The following DCAF1 variants were observed in gnomAD, a reference collection of about 807,000 sequenced individuals.
The protein encoded by DCAF1 is DDB1 and CUL4 associated factor 1, also known as DDB1- and CUL4-associated factor 1.
In DCAF1, 15 loss-of-function variants were observed where a neutral mutation model predicts 128.0. That is an observed-to-expected ratio of 0.12 (90% CI 0.08 to 0.18). The LOEUF (loss-of-function observed/expected upper bound fraction) is 0.18, where lower values mean the gene tolerates loss of function less well. Ranked by LOEUF, DCAF1 falls within the 10% of genes least tolerant of loss-of-function variation. The pLI, the probability that DCAF1 is intolerant of heterozygous loss-of-function variation, is 1.00. For missense variants in DCAF1, 988 were observed against 1,649.5 expected (o/e 0.60, Z 6.95); for synonymous variants, 610 against 603.0 (o/e 1.01, Z -0.17).
chr3:51,475,031 C>T (rs1705262909), intron 3 of DCAF1, among the ~76,000 whole-genome samples: 1 of 151,926 alleles, frequency 6.6e-6, no homozygotes, highest in Non-Finnish European at 1.5e-5. Flanking sequence ...GATCCACCTG[C>T]CTCGGCTTCC....
chr3:51,488,861 A>T (rs1208654445), intron 2 of DCAF1, among the ~76,000 whole-genome samples: 1 of 151,846 alleles, frequency 6.6e-6, no homozygotes, highest in Non-Finnish European at 1.5e-5. Context: ...GCTACTCAGG[A>T]GGCTGAGGTA....
chr3:51,474,351 C>T (rs895161548), intron 3 of DCAF1, among the ~76,000 whole-genome samples: 1 of 152,058 alleles, frequency 6.6e-6, no homozygotes, highest in Non-Finnish European at 1.5e-5. Context: ...ACTCAGGAGG[C>T]GGAGGTCGCG....
At chr3:51,457,889 G>A (rs1703096337) in intron 6 of DCAF1, among the ~76,000 whole-genome samples, 1 of 152,300 alleles carries the variant, frequency 6.6e-6, no homozygotes, top group African/African-American at 2.4e-5. Flanking sequence ...CACCAGGCCT[G>A]CCTTACAAGA....
chr3:51,405,959 A>C (rs955604480), intron 23 of DCAF1, among the ~76,000 whole-genome samples: 21 of 152,178 alleles, frequency 1.4e-4, no homozygotes, highest in African/African-American at 4.1e-4. Context: ...ACTTGAACCC[A>C]GGAATTCAAG....
At chr3:51,439,290 G>C (rs1011377566) in intron 9 of DCAF1, among the ~76,000 whole-genome samples, 1 of 150,904 alleles carries the variant, frequency 6.6e-6, no homozygotes, top group Middle Eastern at 3.5e-3. Flanking sequence ...TACCACGCCA[G>C]GCTAATTTTT....
At chr3:51,482,238 T>C (rs1352143048) in intron 3 of DCAF1, among the ~76,000 whole-genome samples, 2 of 147,336 alleles carry the variant, frequency 1.4e-5, no homozygotes, top group Non-Finnish European at 3.0e-5. Context: ...TGAGCCCAGA[T>C]GTTCAAGACC....
upstream of DCAF1, among the ~76,000 whole-genome samples, chr3:51,504,835 C>G (rs1451423344): frequency 1.3e-5 from 2 of 152,128 alleles, no homozygotes; most frequent in African/African-American, 2.4e-5. Flanking sequence ...AGGCCTGGGC[C>G]TGGCACGGTG....
chr3:51,500,480 C>T (rs1398123797), upstream of DCAF1, among the ~76,000 whole-genome samples: 1 of 152,202 alleles, frequency 6.6e-6, no homozygotes, highest in Non-Finnish European at 1.5e-5. Context: ...AAATATTTCT[C>T]ATAAACATAT....
upstream of DCAF1, among the ~76,000 whole-genome samples, chr3:51,501,262 A>ATGT (rs2108651921): frequency 6.6e-6 from 1 of 152,258 alleles, no homozygotes; most frequent in African/African-American, 2.4e-5. Flanking sequence ...CAATTTCTTC[A>ATGT]TGTTGTTGGG....
At chr3:51,473,385 TCTC>T (rs1484959783) in intron 3 of DCAF1, among the ~76,000 whole-genome samples, 2 of 144,452 alleles carry the variant, frequency 1.4e-5, no homozygotes, top group Non-Finnish European at 3.0e-5. Flanking sequence ...TAAATCAAAC[TCTC>T]CTATGTGCTT....
intron 1 of DCAF1, among the ~76,000 whole-genome samples, chr3:51,499,097 C>A (rs1372765202): frequency 6.6e-6 from 1 of 152,226 alleles, no homozygotes; most frequent in Non-Finnish European, 1.5e-5. Flanking sequence ...ATTTCCTCAA[C>A]AAATGGAAAA....
At chr3:51,419,615 A>G in intron 15 of DCAF1, 119 bp downstream of exon 15, 2 of 1,464,058 alleles carry the variant, frequency 1.4e-6, no homozygotes, top group Middle Eastern at 1.9e-4. Flanking sequence ...ACATTGTTCA[A>G]GTATTACACA....
chr3:51,465,551 C>A (rs1704043729), intron 5 of DCAF1, among the ~76,000 whole-genome samples: 1 of 151,948 alleles, frequency 6.6e-6, no homozygotes, highest in Admixed American at 6.6e-5. Context: ...TGAGACCAGC[C>A]TGACCAACAT....
At chr3:51,412,109 TAAAAAAAAAAAAA>T (rs782087400) in intron 23 of DCAF1, among the ~76,000 whole-genome samples, 38 of 29,458 alleles carry the variant, frequency 1.3e-3, no homozygotes, top group Admixed American at 6.4e-3. Context: ...AACTCCATTC[TAAAAAAAAAAAAA>T]AAAAAAAAAA....
At chr3:51,490,934 C>A (rs1215119010) in intron 2 of DCAF1, among the ~76,000 whole-genome samples, 1 of 148,012 alleles carries the variant, frequency 6.8e-6, no homozygotes, top group African/African-American at 2.5e-5. Context: ...TCTCAAAAAA[C>A]AACAACAACA....
chr3:51,401,131 C>CA lies in DCAF1; in HGVS notation c.4465+2011dup, dbSNP rs57102954. ...TGGGCAACAGAGTGAGACTCCATCT[C>CA]AAAAAAAAAAAAAAAAAAAAAAGAT... On this transcript the variant is annotated intron_variant, in intron 24 of 24. Coordinates refer to ENST00000684031, the MANE Select transcript of DCAF1 (RefSeq NM_001387579.1). 3.0e-3 allele frequency among the ~76,000 whole-genome samples: 204 copies of CA among 67,156 alleles called. 1 individual carries two copies. The highest frequency in any genetic ancestry group is 4.2e-3 in the Non-Finnish European group (141 of 33,288). The allele number at this position is 67,156 out of a possible 152,430, so 44.1% of individuals were successfully genotyped here. A position where few individuals can be genotyped will look rare whatever the true frequency, so the allele number is the denominator to read the frequency against.
intron 1 of DCAF1, among the ~76,000 whole-genome samples, chr3:51,498,276 C>T (rs546221505): frequency 4.0e-5 from 6 of 150,336 alleles, no homozygotes; most frequent in Non-Finnish European, 8.9e-5. Context: ...AGGAGAATCA[C>T]TTGAACCTGG....
chr3:51,443,931 T>A, intron 6 of DCAF1, 28 bp from the exon 7 acceptor site: 1 of 1,548,338 alleles, frequency 6.5e-7, no homozygotes, highest in Non-Finnish European at 8.7e-7. Flanking sequence ...AAATAGTACA[T>A]TTCGGAAAAA....
intron 6 of DCAF1, among the ~76,000 whole-genome samples, chr3:51,444,327 T>C (rs1168034621): frequency 4.6e-5 from 7 of 151,896 alleles, no homozygotes; most frequent in South Asian, 4.1e-4. Flanking sequence ...AAAGTAGTGT[T>C]TAATTTAGCC....
Sources: allele counts gnomAD v4.1 joint callset (sites outside exome capture counted in the v4.1 genomes callset), GRCh38; gene constraint gnomAD v4.1.1; transcripts MANE v1.5; gene names NCBI Gene and HGNC (gene_info 2026-07-23, HGNC 2026-07-21).